The following GRID2 variants were observed in gnomAD, a reference collection of about 807,000 sequenced individuals.
The protein encoded by GRID2 is glutamate receptor ionotropic, delta-2.
In GRID2, 33 loss-of-function variants were observed where a neutral mutation model predicts 114.8. The ratio of observed to expected loss-of-function variants is 0.29; its 90% CI spans 0.22 to 0.38. The LOEUF (loss-of-function observed/expected upper bound fraction) is 0.38. Ranked by LOEUF, GRID2 falls within the 10% of genes least tolerant of loss-of-function variation. GRID2 has a pLI of 1.00. For missense variants in GRID2, 1,184 were observed against 1,257.7 expected (o/e 0.94, Z 0.89); for synonymous variants, 505 against 449.9 (o/e 1.12, Z -1.55).
intron 12 of GRID2, among the ~76,000 whole-genome samples, chr4:93,501,358 C>T (rs1357275293): frequency 6.6e-6 from 1 of 151,880 alleles, no homozygotes; most frequent in East Asian, 1.9e-4. Flanking sequence ...TTAGGAGGAG[C>T]CAAAATGAAG....
intron 2 of GRID2, among the ~76,000 whole-genome samples, chr4:93,054,590 C>T (rs1286757219): frequency 6.6e-6 from 1 of 151,930 alleles, no homozygotes; most frequent in East Asian, 1.9e-4. Flanking sequence ...ATCTCAGATT[C>T]AAATAAGTGG....
intron 1 of GRID2, among the ~76,000 whole-genome samples, chr4:92,588,235 C>T (rs896838318): frequency 6.6e-6 from 1 of 151,762 alleles, no homozygotes; most frequent in African/African-American, 2.4e-5. Context: ...TTTACAAGAG[C>T]TTAGATTAAA....
At chr4:93,126,416 A>G (rs1734263704) in intron 4 of GRID2, among the ~76,000 whole-genome samples, 1 of 151,966 alleles carries the variant, frequency 6.6e-6, no homozygotes, top group Admixed American at 6.6e-5. Flanking sequence ...TGGGCTTGGC[A>G]CTATTGACAA....
chr4:92,351,217 G>A (rs1255723353), intron 1 of GRID2, among the ~76,000 whole-genome samples: 2 of 151,652 alleles, frequency 1.3e-5, no homozygotes, highest in African/African-American at 2.4e-5. Flanking sequence ...GGTTCATATG[G>A]TAACTCTATT....
At chr4:93,737,351 T>C (rs955125054) in intron 14 of GRID2, among the ~76,000 whole-genome samples, 1 of 152,032 alleles carries the variant, frequency 6.6e-6, no homozygotes, top group East Asian at 1.9e-4. Flanking sequence ...GATCCTACCT[T>C]CTACACCTCA....
At chr4:93,684,261 T>C (rs1725873833) in intron 14 of GRID2, among the ~76,000 whole-genome samples, 1 of 152,110 alleles carries the variant, frequency 6.6e-6, no homozygotes, top group Non-Finnish European at 1.5e-5. Flanking sequence ...TTATCCAGAA[T>C]CAGAAATTCT....
chr4:93,375,335 C>T (rs1247128057), intron 8 of GRID2, among the ~76,000 whole-genome samples: 2 of 151,558 alleles, frequency 1.3e-5, no homozygotes, highest in Admixed American at 6.6e-5. Context: ...GCCTCAGCCT[C>T]CCGAGTAGCT....
At chr4:93,402,926 G>C (rs369027843) in intron 9 of GRID2, among the ~76,000 whole-genome samples, 3 of 152,184 alleles carry the variant, frequency 2.0e-5, no homozygotes, top group South Asian at 4.1e-4. Context: ...TTGCTACTTA[G>C]AGACTTTCAG....
At chr4:93,103,979 A>G (rs1360395661) in intron 3 of GRID2, among the ~76,000 whole-genome samples, 8 of 150,470 alleles carry the variant, frequency 5.3e-5, no homozygotes, top group African/African-American at 2.0e-4. Context: ...GGTATGTTAC[A>G]TGGGTATATT....
chr4:93,174,265 C>A (rs138581772), intron 4 of GRID2, among the ~76,000 whole-genome samples: 17 of 152,212 alleles, frequency 1.1e-4, no homozygotes, highest in Middle Eastern at 3.4e-3. Context: ...ATCTCAGATA[C>A]CTCCCCCCAA....
chr4:92,590,193 C>A lies in GRID2; in HGVS notation c.151C>A (p.Leu51Ile). Residue 51 changes from leucine to isoleucine, a missense_variant, in exon 2 of 16, where the codon CTT becomes ATT. Transcript: ENST00000282020. Reference protein sequence around the residue: ...DEVFRTAVGDLNQNEEILQTE... With the variant: ...DEVFRTAVGDINQNEEILQTE... ...GGTATTTCGCACTGCGGTTGGTGAC[C>A]TTAACCAGAATGAGGAGATCTTACA... 6.2e-7 allele frequency: 1 copy of A among 1,611,426 alleles called. No homozygotes were observed. The highest frequency in any genetic ancestry group is 1.1e-5 in the South Asian group (1 of 91,010).
At chr4:93,637,637 A>C (rs936897372) in intron 14 of GRID2, among the ~76,000 whole-genome samples, 1 of 152,170 alleles carries the variant, frequency 6.6e-6, no homozygotes, top group Non-Finnish European at 1.5e-5. Flanking sequence ...CATTACAGGG[A>C]GGGAGAGATC....
At chr4:93,350,080 T>A (rs1253566687) in intron 8 of GRID2, among the ~76,000 whole-genome samples, 1 of 152,032 alleles carries the variant, frequency 6.6e-6, no homozygotes, top group Admixed American at 6.6e-5. Flanking sequence ...GTAGAACCAT[T>A]TTGTTTAAAG....
At chr4:93,305,238 C>G (rs1309807734) in intron 8 of GRID2, among the ~76,000 whole-genome samples, 2 of 152,056 alleles carry the variant, frequency 1.3e-5, no homozygotes, top group Non-Finnish European at 1.5e-5. Flanking sequence ...GACTGCAGAA[C>G]AAAAGGTTAA....
chr4:92,450,964 T>A (rs1194009356), intron 1 of GRID2, among the ~76,000 whole-genome samples: 1 of 151,012 alleles, frequency 6.6e-6, no homozygotes, highest in South Asian at 2.1e-4. Flanking sequence ...TTTATTATAG[T>A]GACCATACAA....
chr4:93,013,972 T>A (rs953786420), intron 2 of GRID2, among the ~76,000 whole-genome samples: 15 of 151,906 alleles, frequency 9.9e-5, no homozygotes, highest in African/African-American at 3.6e-4. Context: ...AAGATCAAAT[T>A]TCATGGTAAA....
chr4:93,805,954 G>C (rs984062720), intron 1 of GRID2, among the ~76,000 whole-genome samples: 1 of 152,044 alleles, frequency 6.6e-6, no homozygotes, highest in Non-Finnish European at 1.5e-5. Flanking sequence ...AAAATTAGCC[G>C]GGTGTGGTGG....
At chr4:92,689,021 A>G (rs1386804650) in intron 2 of GRID2, among the ~76,000 whole-genome samples, 1 of 152,202 alleles carries the variant, frequency 6.6e-6, no homozygotes, top group Non-Finnish European at 1.5e-5. Flanking sequence ...GTACGTCTCT[A>G]TAAGAGTTCT....
chr4:93,371,066 A>C (rs1471536421), intron 8 of GRID2, among the ~76,000 whole-genome samples: 9 of 152,212 alleles, frequency 5.9e-5, no homozygotes, highest in Non-Finnish European at 8.8e-5. Context: ...TGAATCGTTT[A>C]TTCAGAAAGA....
Sources: gnomAD v4.1 joint callset for allele counts (sites outside exome capture counted in the v4.1 genomes callset) on GRCh38, gnomAD v4.1.1 for gene constraint, MANE v1.5 for transcripts, NCBI Gene and HGNC (gene_info 2026-07-23, HGNC 2026-07-21) for gene names.